SLC44A3: variants seen among roughly 807,000 people sequenced by gnomAD.
SLC44A3 encodes choline transporter-like protein 3.
Under a neutral mutation model 75.4 loss-of-function variants are expected in SLC44A3, and 74 were observed. That is an observed-to-expected ratio of 0.98 (90% CI 0.81 to 1.19). The LOEUF is 1.19. Ranked by LOEUF, SLC44A3 falls within the 50% of genes most tolerant of loss-of-function variation. The pLI is 0.00. For missense variants in SLC44A3, 700 were observed against 778.6 expected, an observed-to-expected ratio of 0.90 and a Z score of 1.20; for synonymous variants, 310 against 296.9, an observed-to-expected ratio of 1.04 and a Z score of -0.45.
At chr1:94,826,186 G>A (rs1200464015) in intron 3 of SLC44A3, among the ~76,000 whole-genome samples, 1 of 152,192 alleles carries the variant, frequency 6.6e-6, no homozygotes, top group African/African-American at 2.4e-5. Context: ...AAAGTAGTCA[G>A]ATTCCTAGAA....
chr1:94,831,965 G>A (rs1662192193), intron 5 of SLC44A3, among the ~76,000 whole-genome samples: 1 of 152,056 alleles, frequency 6.6e-6, no homozygotes, highest in East Asian at 1.9e-4. Context: ...CCTGAGGTCA[G>A]GACCAGCTTG....
intron 8 of SLC44A3, among the ~76,000 whole-genome samples, chr1:94,844,918 C>T (rs549318874): frequency 9.8e-5 from 15 of 152,308 alleles, no homozygotes; most frequent in African/African-American, 3.4e-4. Flanking sequence ...CTCATATTCC[C>T]TTGACTTTTG....
chr1:94,870,214 G>A (rs1021562804), intron 12 of SLC44A3, among the ~76,000 whole-genome samples: 4 of 152,172 alleles, frequency 2.6e-5, no homozygotes, highest in South Asian at 4.1e-4. Flanking sequence ...CCTCACACAT[G>A]CGTTCATCCA....
chr1:94,832,002 A>C (rs1470765843), intron 5 of SLC44A3, among the ~76,000 whole-genome samples: 1 of 152,180 alleles, frequency 6.6e-6, no homozygotes, highest in Non-Finnish European at 1.5e-5. Context: ...GCCCGTCTCT[A>C]CTAAAAATAC....
At chr1:94,872,327 C>T (rs1201287037) in intron 12 of SLC44A3, among the ~76,000 whole-genome samples, 1 of 152,012 alleles carries the variant, frequency 6.6e-6, no homozygotes, top group Non-Finnish European at 1.5e-5. Flanking sequence ...AACTCCTGAC[C>T]TCAGGTGATC....
chr1:94,862,672 C>T (rs976264138), intron 10 of SLC44A3, among the ~76,000 whole-genome samples: 3 of 152,132 alleles, frequency 2.0e-5, no homozygotes, highest in Non-Finnish European at 4.4e-5. Flanking sequence ...TAACACTGCC[C>T]GTGTCTTCCT....
At chr1:94,881,648 G>A (rs1018047184) in intron 12 of SLC44A3, among the ~76,000 whole-genome samples, 5 of 151,160 alleles carry the variant, frequency 3.3e-5, no homozygotes, top group African/African-American at 1.2e-4. Context: ...AGCTTGCAGT[G>A]AGCTGAGATC....
Position 94,857,471 on chromosome 1 carries a change from T to C in SLC44A3, c.1209T>C (p.Ala403=). 1 of 1,612,688 alleles carries C rather than the reference T, an allele frequency of 6.2e-7. No homozygotes were observed. The highest frequency in any genetic ancestry group is 2.2e-5 in the East Asian group (1 of 44,852). The change falls in exon 10 of 15, where the codon GCT becomes GCC. Residue 403 remains alanine, a synonymous_variant. Transcript: ENST00000271227. Reference sequence around the variant, plus strand: ...TTGCGTGCCAGCAAATGACTATAGCTGGGGCAGTGGTTACTTGTTATTTCA... The same window carrying C: ...TTGCGTGCCAGCAAATGACTATAGCCGGGGCAGTGGTTACTTGTTATTTCA... ...FILACQQMTI[A]GAVVTCYFNR...
chr1:94,843,995 G>A (rs1452697858), intron 8 of SLC44A3, among the ~76,000 whole-genome samples: 1 of 152,148 alleles, frequency 6.6e-6, no homozygotes, highest in Non-Finnish European at 1.5e-5. Flanking sequence ...GGAAAGGAAG[G>A]CATGAGCGGT....
chr1:94,883,049 C>T (rs1310045327), intron 12 of SLC44A3, among the ~76,000 whole-genome samples: 3 of 151,268 alleles, frequency 2.0e-5, no homozygotes, highest in Admixed American at 1.3e-4. Flanking sequence ...ATATTAGCCC[C>T]ACAGAGAGGC....
intron 13 of SLC44A3, among the ~76,000 whole-genome samples, chr1:94,891,752 G>A (rs538672729): frequency 6.6e-5 from 10 of 152,110 alleles, no homozygotes; most frequent in East Asian, 5.8e-4. Context: ...GGAAAACCCC[G>A]TCTCTACTAA....
chr1:94,868,754 G>T (rs1262500997), intron 12 of SLC44A3, among the ~76,000 whole-genome samples: 1 of 152,266 alleles, frequency 6.6e-6, no homozygotes, highest in African/African-American at 2.4e-5. Flanking sequence ...AGCAATGAAT[G>T]GGACCATTGA....
intron 7 of SLC44A3, 53 bp from the exon 8 acceptor site, chr1:94,841,947 A>G: frequency 1.3e-6 from 2 of 1,547,830 alleles, no homozygotes; most frequent in South Asian, 2.5e-5. Context: ...TGTGCTGGGG[A>G]AAGGTTACCT....
intron 3 of SLC44A3, among the ~76,000 whole-genome samples, chr1:94,825,065 C>G (rs141915911): frequency 6.6e-6 from 1 of 152,242 alleles, no homozygotes; most frequent in East Asian, 1.9e-4. Flanking sequence ...ATTGTTTCTA[C>G]GTGGAAATAC....
intron 8 of SLC44A3, among the ~76,000 whole-genome samples, chr1:94,842,421 G>A (rs1663778632): frequency 6.6e-6 from 1 of 152,204 alleles, no homozygotes; most frequent in Non-Finnish European, 1.5e-5. Flanking sequence ...GTGGGCGGAG[G>A]CAGGCTTACG....
chr1:94,836,249 A>G (rs1039302642), intron 5 of SLC44A3, among the ~76,000 whole-genome samples: 1 of 152,222 alleles, frequency 6.6e-6, no homozygotes, highest in African/African-American at 2.4e-5. Context: ...TTTGGGGTTC[A>G]TGGAAAGAAA....
At chr1:94,824,213 A>G (rs987280304) in intron 2 of SLC44A3, among the ~76,000 whole-genome samples, 1 of 152,240 alleles carries the variant, frequency 6.6e-6, no homozygotes, top group Admixed American at 6.5e-5. Flanking sequence ...GAAAAATGAT[A>G]GACTCTTAAG....
intron 10 of SLC44A3, among the ~76,000 whole-genome samples, chr1:94,864,451 C>T (rs1268310048): frequency 6.6e-6 from 1 of 152,170 alleles, no homozygotes; most frequent in Admixed American, 6.5e-5. Flanking sequence ...GATGAATAGG[C>T]ACCCTAAAGG....
intron 9 of SLC44A3, among the ~76,000 whole-genome samples, chr1:94,854,658 C>T (rs1009860907): frequency 3.9e-5 from 6 of 152,240 alleles, no homozygotes; most frequent in Non-Finnish European, 7.3e-5. Flanking sequence ...AACCTGTTTC[C>T]CGGCTTTCGC....
Sources: allele counts gnomAD v4.1 joint callset (sites outside exome capture counted in the v4.1 genomes callset), GRCh38; gene constraint gnomAD v4.1.1; transcripts MANE v1.5; gene names NCBI Gene and HGNC (gene_info 2026-07-23, HGNC 2026-07-21).